Variants in NYX observed in about 807,000 individuals in gnomAD.
The protein encoded by NYX is nyctalopin, also known as leucine-rich repeat protein.
For synonymous variants in NYX, 258 were observed against 245.7 expected (o/e 1.05, Z -0.47); for missense variants, 481 against 485.4 (o/e 0.99, Z 0.09).
chrX:41,460,169 C>CT (rs565873921), intron 2 of NYX, among the ~76,000 whole-genome samples: 22,939 of 93,179 alleles, frequency 0.25, 2,546 homozygotes, highest in East Asian at 0.37. Flanking sequence ...TATTCTTTTT[C>CT]TTTTTTTTTT....
At chrX:41,447,585 C>A in intron 1 of NYX, 69 bp downstream of exon 1, 1 of 362,936 alleles carries the variant, frequency 2.8e-6, no homozygotes. Context: ...CATTTCCTTG[C>A]TGGGTTGTCA....
At chrX:41,454,899 AC>A (rs1349210685) in intron 2 of NYX, among the ~76,000 whole-genome samples, 1 of 109,700 alleles carries the variant, frequency 9.1e-6, no homozygotes, top group African/African-American at 3.3e-5. Context: ...GAGCCACTGC[AC>A]CTGGCCTCCA....
intron 2 of NYX, among the ~76,000 whole-genome samples, chrX:41,470,108 T>C (rs1035364609): frequency 2.0e-4 from 22 of 108,346 alleles, no homozygotes; most frequent in African/African-American, 7.4e-4. Context: ...TTTTAGTGAC[T>C]GTTACAGAAA....
intron 2 of NYX, among the ~76,000 whole-genome samples, chrX:41,469,697 C>T (rs764943893): frequency 1.8e-5 from 2 of 110,222 alleles, no homozygotes; most frequent in East Asian, 5.7e-4. Context: ...TAGGTGCATG[C>T]CACCACACCC....
Position 41,458,065 on chromosome X carries a change from G to C in NYX, c.22+10139G>C, listed in dbSNP as rs763267817. Among the ~76,000 whole-genome samples, 4 of 111,548 alleles carry C rather than the reference G, an allele frequency of 3.6e-5. No homozygotes were observed. In the South Asian group the frequency reaches 1.5e-3, roughly 42 times the overall value. ...TGGTGGAAGGTGGAAGTGTGAGAGA[G>C]CAAGATGGGGCTGAACCTGCTTTTA... On this transcript the variant is annotated intron_variant, in intron 2 of 2. Coordinates refer to ENST00000378220, the MANE Select transcript of NYX (RefSeq NM_001378477.3).
At chrX:41,461,531 C>T (rs779382524) in intron 2 of NYX, among the ~76,000 whole-genome samples, 1 of 109,896 alleles carries the variant, frequency 9.1e-6, no homozygotes, top group East Asian at 2.9e-4. Context: ...GACTTCTTTT[C>T]CTCTGAGTAG....
rs34181799 is a variant in NYX at position 41,474,783 on chromosome X, G to C, written c.1315G>C (p.Asp439His). ...TGGLANASLS[D>H]SLSSRGVGGA... ...GGGGCTGGCCAACGCCTCCCTGTCC[G>C]ACAGCCTCTCCTCCCGTGGGGTGGG... The change falls in exon 3 of 3, where the codon GAC becomes CAC. Residue 439 changes from aspartate (D) to histidine (H), a missense_variant. By Grantham distance (81) the Asp-to-His change is moderately conservative. Coordinates refer to ENST00000378220, the MANE Select transcript of NYX (RefSeq NM_001378477.3). 1.5e-4 allele frequency: 174 copies of C among 1,196,396 alleles called. No individual in the cohort carries two copies. The African/African-American group carries it at 2.7e-3, about 19-fold the overall frequency.
In NYX at chrX:41,475,459, T is replaced by C. The variant is rs1424753919; in HGVS notation, c.*560T>C. ...AAGGGTGGCGGTGGTTCCTGGGGTCTGAGATGTGTTAGGAGGCGTTTAAAA... is the reference window on the plus strand; with the variant it reads ...AAGGGTGGCGGTGGTTCCTGGGGTCCGAGATGTGTTAGGAGGCGTTTAAAA... On this transcript the variant is annotated 3_prime_UTR_variant, in exon 3 of 3. Transcript: ENST00000378220. 2 of 117,008 alleles carry C rather than the reference T, an allele frequency of 1.7e-5. No individual in the cohort carries two copies. Among genetic ancestry groups the C allele is most frequent in the African/African-American group, 6.5e-5 (2 of 30,727 alleles). The allele number at this position is 117,008 out of a possible 1,213,427, so 9.6% of individuals were successfully genotyped here. A position where few individuals can be genotyped will look rare whatever the true frequency, so the allele number is the denominator to read the frequency against.
chrX:41,461,963 G>A (rs1211215130), intron 2 of NYX, among the ~76,000 whole-genome samples: 1 of 110,315 alleles, frequency 9.1e-6, no homozygotes, highest in East Asian at 2.8e-4. Flanking sequence ...CACCACGCCT[G>A]GCTAATTTTT....
rs762414962 is a variant in NYX at position 41,447,862 on chromosome X, G to A, written c.-43G>A. On this transcript the variant is annotated 5_prime_UTR_variant, in exon 2 of 3. Transcript: ENST00000378220. ...TTCTCCCCTCAGGTAGGGGTCCCAC[G>A]GCTGGGTGGTCCTAAGCCACTGGGT... 1.2e-5 allele frequency: 15 copies of A among 1,209,658 alleles called. No homozygotes were observed. Among genetic ancestry groups the A allele is most frequent in the South Asian group, 1.8e-5 (1 of 56,672 alleles).
intron 2 of NYX, among the ~76,000 whole-genome samples, chrX:41,464,921 C>T (rs1330476955): frequency 9.0e-6 from 1 of 111,119 alleles, no homozygotes; most frequent in Non-Finnish European, 1.9e-5. Context: ...TTAATAACTA[C>T]TCGCCTCTCT....
In NYX at chrX:41,474,222, C is replaced by T; in HGVS notation, c.754C>T (p.Arg252Cys). The change falls in exon 3 of 3, where the codon CGC (arginine) becomes TGC (cysteine). Residue 252 changes from arginine to cysteine, a missense_variant. Coordinates refer to ENST00000378220, the MANE Select transcript of NYX (RefSeq NM_001378477.3). ...CGCCTTCCGCGGCCTGCGGCGCCTG[C>T]GCACGCTCAACCTGGGTGGCAACGC... ...ADAFRGLRRL[R>C]TLNLGGNALD... is the part of the protein sequence containing the mutation. 8.4e-7 allele frequency: 1 copy of T among 1,194,533 alleles called. No homozygotes were observed. The highest frequency in any genetic ancestry group is 1.1e-6 in the Non-Finnish European group (1 of 891,528).
At chrX:41,456,887 C>A (rs2064300361) in intron 2 of NYX, among the ~76,000 whole-genome samples, 1 of 111,702 alleles carries the variant, frequency 9.0e-6, no homozygotes, top group African/African-American at 3.3e-5. Context: ...TTCTGACCCC[C>A]ATTCCCCACC....
chrX:41,452,030 G>A lies in NYX; in HGVS notation c.22+4104G>A, dbSNP rs534747720. On this transcript the variant is annotated intron_variant, in intron 2 of 2. Coordinates refer to ENST00000378220, the MANE Select transcript of NYX (RefSeq NM_001378477.3). The stretch of plus-strand genomic sequence containing the variant: ...GCTCTGTTGCCCAGGCTGGAGTGTA[G>A]TGGTGCGATTATGGCTCACTGCAGC... 8.8e-3 allele frequency among the ~76,000 whole-genome samples: 981 copies of A among 111,091 alleles called. 14 individuals are homozygous for A. Among genetic ancestry groups the A allele is most frequent in the African/African-American group, 0.03 (927 of 30,521 alleles).
At chrX:41,468,764 T>A (rs976250569) in intron 2 of NYX, among the ~76,000 whole-genome samples, 35 of 112,015 alleles carry the variant, frequency 3.1e-4, no homozygotes, top group African/African-American at 1.1e-3. Context: ...GAGAGTAGAA[T>A]GAAGGACTAT....
chrX:41,474,026 C>T lies in NYX; in HGVS notation c.558C>T (p.Arg186=), dbSNP rs878856353. Residue 186 remains arginine, a synonymous_variant, in exon 3 of 3, where the codon CGC becomes CGT. Coordinates refer to ENST00000378220, the MANE Select transcript of NYX (RefSeq NM_001378477.3). ...LANLTHAHLE[R]GRIEAVASSS... ...ACCTGACGCACGCGCACCTGGAGCGCGGCCGCATCGAGGCGGTGGCCTCCA... is the reference window on the plus strand; with the variant it reads ...ACCTGACGCACGCGCACCTGGAGCGTGGCCGCATCGAGGCGGTGGCCTCCA... The T allele has an allele frequency of 1.9e-6, 2 of 1,052,109 alleles. No individual in the cohort carries two copies. The highest frequency in any genetic ancestry group is 4.9e-5 in the South Asian group (2 of 40,486). The allele number at this position is 1,052,109 out of a possible 1,213,427, so 86.7% of individuals were successfully genotyped here. A position where few individuals can be genotyped will look rare whatever the true frequency, so the allele number is the denominator to read the frequency against.
Position 41,474,426 on chromosome X carries a change from G to A in NYX, c.958G>A (p.Gly320Ser), listed in dbSNP as rs766735978. The change falls in exon 3 of 3, where the codon GGC becomes AGC. Residue 320 changes from glycine (G) to serine (S), a missense_variant. By Grantham distance (56) the Gly-to-Ser change is moderately conservative (BLOSUM62 0). Transcript: ENST00000378220. ...TVLAWVAFQP[G>S]FFLGRLFLFR... Reference sequence around the variant, plus strand: ...GCTCGCCTGGGTCGCCTTCCAGCCCGGCTTCTTCCTGGGCCGCCTCTTCCT... The same window carrying A: ...GCTCGCCTGGGTCGCCTTCCAGCCCAGCTTCTTCCTGGGCCGCCTCTTCCT... 8.3e-7 allele frequency: 1 copy of A among 1,208,197 alleles called. No individual in the cohort carries two copies. Among genetic ancestry groups the A allele is most frequent in the Non-Finnish European group, 1.1e-6 (1 of 895,438 alleles).
At chrX:41,451,013 G>A (rs956153619) in intron 2 of NYX, among the ~76,000 whole-genome samples, 15 of 106,831 alleles carry the variant, frequency 1.4e-4, no homozygotes, top group African/African-American at 3.8e-4. Flanking sequence ...AGTAGAGATG[G>A]GGTTTTGCCA....
At chrX:41,452,179 C>T (rs2064282736) in intron 2 of NYX, among the ~76,000 whole-genome samples, 1 of 109,720 alleles carries the variant, frequency 9.1e-6, no homozygotes, top group Non-Finnish European at 1.9e-5. Context: ...CGCCATGTTG[C>T]CCTGGCTGGT....
Sources: gnomAD v4.1 joint callset for allele counts (sites outside exome capture counted in the v4.1 genomes callset) on GRCh38, gnomAD v4.1.1 for gene constraint, MANE v1.5 for transcripts, NCBI Gene and HGNC (gene_info 2026-07-23, HGNC 2026-07-21) for gene names.